The following ANHX variants were observed in gnomAD, a reference collection of about 807,000 sequenced individuals.
The protein encoded by ANHX is anomalous homeobox.
In ANHX, 20 loss-of-function variants were observed where a neutral mutation model predicts 38.9. The ratio of observed to expected loss-of-function variants is 0.51; its 90% CI spans 0.36 to 0.75. The LOEUF (loss-of-function observed/expected upper bound fraction) is 0.75, where lower values mean the gene tolerates loss of function less well. Among genes scored for constraint, ANHX ranks in the 30% least tolerant of loss-of-function variants. The pLI, the probability that ANHX is intolerant of heterozygous loss-of-function variation, is 0.00. For synonymous variants in ANHX, 185 were observed against 203.1 expected (o/e 0.91, Z 0.76); for missense variants, 475 against 493.1 (o/e 0.96, Z 0.35).
At chr12:133,220,055 T>C (rs1315824114) in intron 8 of ANHX, among the ~76,000 whole-genome samples, 3 of 151,914 alleles carry the variant, frequency 2.0e-5, no homozygotes, top group Non-Finnish European at 4.4e-5. Context: ...AGCTAATCCT[T>C]AGTGACAGAA....
chr12:133,221,361 A>G lies in ANHX; in HGVS notation c.1133-9T>C. On this transcript the variant is annotated splice_polypyrimidine_tract_variant and intron_variant, in intron 7 of 9. Coordinates refer to ENST00000545940, the MANE Select transcript of ANHX (RefSeq NM_001372060.1). The surrounding 1 kb of genome is among the most constrained non-coding windows in gnomAD (Gnocchi z 4.1). ...GGGGGGGCCAGAAAACCCTGCATGT[A>G]ATGAGATTCCACGGCACACTGGCAG... The G allele has an allele frequency of 1.3e-6, 2 of 1,533,120 alleles. No individual in the cohort carries two copies. Among genetic ancestry groups the G allele is most frequent in the East Asian group, 4.9e-5 (2 of 40,838 alleles). 95.0% of individuals were successfully genotyped at this position (1,533,120 alleles called of 1,614,324 possible).
At position 133,234,336 on chromosome 12, in the gene ANHX, CAG is replaced by C. The variant is rs1957331932; in HGVS notation, c.19_20del (p.Leu7AlafsTer5). 3 of 1,535,926 alleles carry C rather than the reference CAG, an allele frequency of 2.0e-6. No homozygotes were observed. Among genetic ancestry groups the C allele is most frequent in the Non-Finnish European group, 1.7e-6 (2 of 1,146,750 alleles). On this transcript the variant is annotated frameshift_variant, in exon 2 of 10. Transcript: ENST00000545940. LOFTEE classifies it high-confidence loss of function. Reference sequence around the variant, plus strand: ...CACAGGTGTCCTCATGCTCCTTCAGCAGAGTCAGGAAGCTCTGCATCCTGTGC... The same window carrying C: ...CACAGGTGTCCTCATGCTCCTTCAGCAGTCAGGAAGCTCTGCATCCTGTGC... MQSFLT[L>X]LKEHEDTCAP...
intron 7 of ANHX, among the ~76,000 whole-genome samples, chr12:133,225,248 TGCAGTGGAGA>T (rs1224538492): frequency 2.6e-5 from 4 of 152,004 alleles, no homozygotes; most frequent in African/African-American, 4.8e-5. Flanking sequence ...TCAAGTGGAC[TGCAGTGGAGA>T]GCACAGGGTG....
chr12:133,229,088 C>T (rs1296364650), intron 3 of ANHX, among the ~76,000 whole-genome samples: 1 of 152,144 alleles, frequency 6.6e-6, no homozygotes, highest in African/African-American at 2.4e-5. Flanking sequence ...GCTGAATCTT[C>T]CTCATCCTCC....
chr12:133,235,265 C>T (rs145712927), intron 1 of ANHX: 1 of 152,226 alleles, frequency 6.6e-6, no homozygotes, highest in Admixed American at 6.5e-5. Flanking sequence ...AGGAGGCTCC[C>T]AGGCCTGGGT....
Position 133,219,362 on chromosome 12 carries a change from G to A in ANHX, c.1286C>T (p.Pro429Leu). The A allele has an allele frequency of 6.5e-7, 1 of 1,527,760 alleles. No homozygotes were observed. Among genetic ancestry groups the A allele is most frequent in the African/African-American group, 1.4e-5 (1 of 72,892 alleles). 94.6% of individuals were successfully genotyped at this position (1,527,760 alleles called of 1,614,324 possible). A position where few individuals can be genotyped will look rare whatever the true frequency, so the allele number is the denominator to read the frequency against. The change falls in exon 9 of 10, where the codon CCA becomes CTA. Residue 429 changes from proline to leucine, a missense_variant. Transcript: ENST00000545940. ...GGCAGATGGGGCTGGGGCCAGCTCT[G>A]GAGGGCTGGAAAAGAGACAGTGTAA... ...APEFILTQSP[P>L]ELAPAPSAFP...
At chr12:133,224,116 C>T (rs1362034268) in intron 7 of ANHX, among the ~76,000 whole-genome samples, 1 of 152,050 alleles carries the variant, frequency 6.6e-6, no homozygotes, top group Non-Finnish European at 1.5e-5. Context: ...CTGGAGTAAA[C>T]CCAGGGAAGC....
At position 133,234,319 on chromosome 12, in the gene ANHX, T is replaced by A. The variant is rs764989310; in HGVS notation, c.38A>T (p.Asp13Val). ...SFLTLLKEHE[D>V]TCAPPAELVT... ...CAGCTCCGCCGGGGGTGCACAGGTGTCCTCATGCTCCTTCAGCAGAGTCAG... is the reference window on the plus strand; with the variant it reads ...CAGCTCCGCCGGGGGTGCACAGGTGACCTCATGCTCCTTCAGCAGAGTCAG... Residue 13 changes from aspartate to valine, a missense_variant, in exon 2 of 10, where the codon GAC becomes GTC. Coordinates refer to ENST00000545940, the MANE Select transcript of ANHX (RefSeq NM_001372060.1). 4 of 1,536,038 alleles carry A rather than the reference T, an allele frequency of 2.6e-6. No individual in the cohort carries two copies. The South Asian group carries it at 4.8e-5, about 18-fold the overall frequency.
intron 2 of ANHX, among the ~76,000 whole-genome samples, chr12:133,231,850 A>G (rs1297164563): frequency 6.6e-6 from 1 of 152,186 alleles, no homozygotes; most frequent in South Asian, 2.1e-4. Context: ...CTCCATTCCT[A>G]GCAGGCTCAG....
At chr12:133,231,725 G>A (rs911011265) in intron 2 of ANHX, 81 bp from the exon 3 acceptor site, 23 of 1,493,392 alleles carry the variant, frequency 1.5e-5, no homozygotes, top group East Asian at 9.9e-5. Flanking sequence ...ATCCCAAACC[G>A]ACTCAGCCTT....
rs900582728 is a variant in ANHX at position 133,225,783 on chromosome 12, A to G, written c.885T>C (p.Asp295=). 9.2e-5 allele frequency among the ~76,000 whole-genome samples: 14 copies of G among 152,104 alleles called. No individual in the cohort carries two copies. Among genetic ancestry groups the G allele is most frequent in the Admixed American group, 3.3e-4 (5 of 15,272 alleles). The change falls in exon 7 of 10, where the codon GAT becomes GAC. Residue 295 remains aspartate (D), a synonymous_variant. Transcript: ENST00000545940. Reference sequence around the variant, plus strand: ...GGCAGAAGAGGGGGAGGGTGGCAGGATCATGGCCAGGCCCCTCCTGGTACA... The same window carrying G: ...GGCAGAAGAGGGGGAGGGTGGCAGGGTCATGGCCAGGCCCCTCCTGGTACA... The part of the protein sequence containing the change: ...GEMYQEGPGH[D]PATLPLFCPG...
chr12:133,229,643 TC>T (rs1957239984), intron 3 of ANHX, among the ~76,000 whole-genome samples: 1 of 152,088 alleles, frequency 6.6e-6, no homozygotes, highest in African/African-American at 2.4e-5. Context: ...GCCTGGAACC[TC>T]CTAGAAACTC....
chr12:133,226,639 T>A (rs1473864234), intron 5 of ANHX, among the ~76,000 whole-genome samples: 1 of 152,172 alleles, frequency 6.6e-6, no homozygotes, highest in Non-Finnish European at 1.5e-5. Flanking sequence ...CGGTGCTTGG[T>A]TCACTTCTCA....
At position 133,227,105 on chromosome 12, in the gene ANHX, G is replaced by A; in HGVS notation, c.549C>T (p.Asn183=). 2 of 1,536,062 alleles carry A rather than the reference G, an allele frequency of 1.3e-6. No homozygotes were observed. The highest frequency in any genetic ancestry group is 1.2e-5 in the South Asian group (1 of 84,062). ...ETSLTPEQVY[N]WFANYRRRQR... is the part of the protein sequence containing the mutation. ...GGCGGCGCCGGTAATTGGCAAACCA[G>A]TTGTACACCTGCTCAGGGGTCAAGC... The change falls in exon 5 of 10, where the codon AAC becomes AAT. Residue 183 remains asparagine (N), a synonymous_variant. Coordinates refer to ENST00000545940, the MANE Select transcript of ANHX (RefSeq NM_001372060.1).
chr12:133,231,584 G>T lies in ANHX; in HGVS notation c.310C>A (p.Arg104Ser). The change falls in exon 3 of 10, where the codon CGT becomes AGT. Residue 104 changes from arginine (R) to serine (S), a missense_variant. Coordinates refer to ENST00000545940, the MANE Select transcript of ANHX (RefSeq NM_001372060.1). Reference sequence around the variant, plus strand: ...ACGCCCAGCCTCCTCATGACCAGACGGTAGTGGATGTCGTTCCAGAGCTGC... The same window carrying T: ...ACGCCCAGCCTCCTCATGACCAGACTGTAGTGGATGTCGTTCCAGAGCTGC... ...LVQLWNDIHY[R>S]LVMRRLGVAA... 2 of 1,536,108 alleles carry T rather than the reference G, an allele frequency of 1.3e-6. No homozygotes were observed. The highest frequency in any genetic ancestry group is 1.7e-6 in the Non-Finnish European group (2 of 1,146,920).
At chr12:133,230,377 G>A (rs1593971148) in intron 3 of ANHX, among the ~76,000 whole-genome samples, 1 of 152,172 alleles carries the variant, frequency 6.6e-6, no homozygotes, top group Non-Finnish European at 1.5e-5. Flanking sequence ...CTATTTGATG[G>A]GTACCACGCA....
intron 7 of ANHX, among the ~76,000 whole-genome samples, chr12:133,225,025 GT>G (rs1398149630): frequency 1.3e-5 from 2 of 151,752 alleles, no homozygotes; most frequent in Non-Finnish European, 2.9e-5. Context: ...CATAGCTCCA[GT>G]TTCCTCCTTA....
chr12:133,234,602 C>G (rs951453707), intron 1 of ANHX: 1 of 505,442 alleles, frequency 2.0e-6, no homozygotes, highest in East Asian at 3.7e-5. Context: ...TTAACGAACA[C>G]GGCTGTGCAC....
intron 3 of ANHX, among the ~76,000 whole-genome samples, chr12:133,231,030 C>CG (rs1957266110): frequency 6.6e-6 from 1 of 152,200 alleles, no homozygotes; most frequent in Non-Finnish European, 1.5e-5. Flanking sequence ...ACACTGGCAA[C>CG]ATTCTCACCC....
Sources: allele counts gnomAD v4.1 joint callset (sites outside exome capture counted in the v4.1 genomes callset), GRCh38; gene constraint gnomAD v4.1.1; non-coding constraint Gnocchi (gnomAD v3.1); transcripts MANE v1.5; gene names NCBI Gene and HGNC (gene_info 2026-07-23, HGNC 2026-07-21).